HECTD2: variants seen among roughly 807,000 people sequenced by gnomAD.
HECTD2 encodes the protein HECT domain E3 ubiquitin protein ligase 2, also known as probable E3 ubiquitin-protein ligase HECTD2.
HECTD2 carries 35 observed loss-of-function variants against 103.2 expected under a neutral mutation model. The ratio of observed to expected loss-of-function variants is 0.34; its 90% CI spans 0.26 to 0.45. HECTD2 has a LOEUF of 0.45. Ranked by LOEUF, HECTD2 falls within the 20% of genes least tolerant of loss-of-function variation. HECTD2 has a pLI of 1.00. For synonymous variants in HECTD2, 281 were observed against 329.9 expected (o/e 0.85, Z 1.61); for missense variants, 596 against 937.4 (o/e 0.64, Z 4.76).
At chr10:91,462,339 A>C (rs910560216) in intron 5 of HECTD2, 155 bp downstream of exon 5, 82 of 1,100,638 alleles carry the variant, frequency 7.5e-5, no homozygotes, top group Admixed American at 1.6e-4. Context: ...AAGTTAGATT[A>C]TTTTATTCTT....
chr10:91,456,805 A>G (rs889426318), intron 2 of HECTD2, among the ~76,000 whole-genome samples: 1 of 152,148 alleles, frequency 6.6e-6, no homozygotes, highest in Non-Finnish European at 1.5e-5. Flanking sequence ...GGACGTAGGA[A>G]AAGAAGAGAA....
Position 91,512,340 on chromosome 10 carries a change from T to C in HECTD2, c.2287T>C (p.Leu763=), listed in dbSNP as rs922521170. 3.1e-6 allele frequency: 5 copies of C among 1,613,784 alleles called. No individual in the cohort carries two copies. The highest frequency in any genetic ancestry group is 1.7e-5 in the Admixed American group (1 of 59,988). The change falls in exon 21 of 21, where the codon TTG becomes CTG. Residue 763 remains leucine, a synonymous_variant. Transcript: ENST00000298068. ...YKSKKDLKQK[L]IIGISNSEGF... ...GAGCAAAAAGGATCTGAAACAGAAA[T>C]TGATCATTGGAATTTCAAATTCAGA...
intron 5 of HECTD2, chr10:91,462,466 A>G (rs1845389230): frequency 1.7e-6 from 2 of 1,210,526 alleles, no homozygotes; most frequent in Non-Finnish European, 2.1e-6. Flanking sequence ...ATTTAATTAT[A>G]TTGGAATTAC....
rs965803821 is a variant in HECTD2, at chr10:91,514,442, A to G, written c.*2058A>G. 6.6e-6 allele frequency: 1 copy of G among 152,622 alleles called. No homozygotes were observed. The highest frequency in any genetic ancestry group is 1.5e-5 in the Non-Finnish European group (1 of 68,030). The allele number at this position is 152,622 out of a possible 1,614,324, so 9.5% of individuals were successfully genotyped here. A position where few individuals can be genotyped will look rare whatever the true frequency, so the allele number is the denominator to read the frequency against. On this transcript the variant is annotated 3_prime_UTR_variant, in exon 21 of 21. Coordinates refer to ENST00000298068, the MANE Select transcript of HECTD2 (RefSeq NM_182765.6). ...TCTGTTTTTGGTTTACAGTGTAATA[A>G]TACCTCATTTAAAAAATAAAAACCA...
chr10:91,445,032 A>G (rs774155400), intron 2 of HECTD2, among the ~76,000 whole-genome samples: 4 of 152,192 alleles, frequency 2.6e-5, no homozygotes, highest in Non-Finnish European at 4.4e-5. Context: ...AGGGGTTGGC[A>G]GTATATTCAA....
chr10:91,409,905 C>T (rs1842842010), upstream of HECTD2, among the ~76,000 whole-genome samples: 1 of 152,172 alleles, frequency 6.6e-6, no homozygotes, highest in South Asian at 2.1e-4. Flanking sequence ...CCAGGGCCGT[C>T]CGTGAAGGGT....
chr10:91,498,301 C>T, intron 16 of HECTD2, 119 bp downstream of exon 16: 1 of 694,702 alleles, frequency 1.4e-6, no homozygotes, highest in Non-Finnish European at 2.5e-6. Context: ...TACATACAAT[C>T]CTCTGTCTTA....
intron 5 of HECTD2, among the ~76,000 whole-genome samples, chr10:91,477,697 T>C (rs1384616032): frequency 6.6e-6 from 1 of 152,204 alleles, no homozygotes; most frequent in East Asian, 1.9e-4. Flanking sequence ...ATGACACAAA[T>C]TTTACTGATT....
At chr10:91,416,077 T>G (rs1843115527) in intron 1 of HECTD2, among the ~76,000 whole-genome samples, 1 of 152,128 alleles carries the variant, frequency 6.6e-6, no homozygotes, top group African/African-American at 2.4e-5. Flanking sequence ...TAGTGCTTGC[T>G]TATTTTCCCC....
At chr10:91,502,755 A>G (rs1157652791) in intron 20 of HECTD2, among the ~76,000 whole-genome samples, 1 of 152,150 alleles carries the variant, frequency 6.6e-6, no homozygotes, top group East Asian at 1.9e-4. Flanking sequence ...AACATTTCCA[A>G]TTTTAAAAGA....
At chr10:91,498,375 A>G (rs1846766220) in intron 16 of HECTD2, among the ~76,000 whole-genome samples, 193 bp downstream of exon 16, 1 of 152,212 alleles carries the variant, frequency 6.6e-6, no homozygotes, top group Non-Finnish European at 1.5e-5. Context: ...GCTTAATGAA[A>G]TTCACTAAGG....
intron 2 of HECTD2, among the ~76,000 whole-genome samples, chr10:91,440,610 G>T (rs1322890153): frequency 7.5e-6 from 1 of 133,602 alleles, no homozygotes; most frequent in African/African-American, 2.9e-5. Context: ...TTAGGGAGGA[G>T]TTCCTCTTTT....
intron 13 of HECTD2, 120 bp downstream of exon 13, chr10:91,492,604 GA>G (rs1254153305): frequency 1.3e-6 from 1 of 781,784 alleles, no homozygotes; most frequent in African/African-American, 1.7e-5. Context: ...CGTAAATGTT[GA>G]ATAATTGTTT....
Position 91,445,890 on chromosome 10 carries a change from C to T in HECTD2, c.269-14537C>T, listed in dbSNP as rs569158231. ...CTTTTTCCATGGTCTTTACAACCTACAGACAAGGAGATTCTCTTGGGTGCC... is the reference window on the plus strand; with the variant it reads ...CTTTTTCCATGGTCTTTACAACCTATAGACAAGGAGATTCTCTTGGGTGCC... On this transcript the variant is annotated intron_variant, in intron 2 of 20. Transcript: ENST00000298068. Among the ~76,000 whole-genome samples the T allele has an allele frequency of 5.4e-4, 82 of 152,248 alleles. 1 individual carries two copies. Among genetic ancestry groups the T allele is most frequent in the Non-Finnish European group, 8.7e-4 (59 of 67,994 alleles).
chr10:91,479,911 G>T (rs111475807), intron 6 of HECTD2, among the ~76,000 whole-genome samples: 2,474 of 151,982 alleles, frequency 0.016, 41 homozygotes, highest in Non-Finnish European at 0.025. Context: ...TTTATCATTT[G>T]TTGCTATTTT....
intron 2 of HECTD2, among the ~76,000 whole-genome samples, chr10:91,437,192 G>A (rs1402981143): frequency 2.0e-5 from 3 of 151,834 alleles, no homozygotes; most frequent in Non-Finnish European, 4.4e-5. Context: ...GAGATCAGTG[G>A]GGAAAGCTCA....
chr10:91,412,639 AAAC>A, intron 1 of HECTD2, among the ~76,000 whole-genome samples: 2 of 148,642 alleles, frequency 1.3e-5, no homozygotes, highest in South Asian at 4.3e-4. Flanking sequence ...TTAAAAAAAA[AAAC>A]AATTTATGAC....
intron 5 of HECTD2, among the ~76,000 whole-genome samples, chr10:91,471,006 A>G (rs952185245): frequency 6.9e-6 from 1 of 144,648 alleles, no homozygotes; most frequent in East Asian, 2.0e-4. Flanking sequence ...ACACACAGAC[A>G]CACACGCACA....
intron 8 of HECTD2, 142 bp from the exon 9 acceptor site, chr10:91,484,364 TC>T: frequency 1.4e-6 from 2 of 1,434,168 alleles, no homozygotes; most frequent in Non-Finnish European, 1.9e-6. Context: ...TTGTATCTTT[TC>T]AAATGTTTGG....
Sources: allele counts gnomAD v4.1 joint callset (sites outside exome capture counted in the v4.1 genomes callset), GRCh38; gene constraint gnomAD v4.1.1; transcripts MANE v1.5; gene names NCBI Gene and HGNC (gene_info 2026-07-23, HGNC 2026-07-21).